The following MYRFL variants were observed in gnomAD, a reference collection of about 807,000 sequenced individuals.
MYRFL encodes myelin regulatory factor-like protein.
Under a neutral mutation model 109.4 loss-of-function variants are expected in MYRFL, and 88 were observed. The ratio of observed to expected loss-of-function variants is 0.80; its 90% confidence interval spans 0.68 to 0.96. The LOEUF (loss-of-function observed/expected upper bound fraction) is 0.96. Among genes scored for constraint, MYRFL ranks in the 40% least tolerant of loss-of-function variants. The pLI, the probability that MYRFL is intolerant of heterozygous loss-of-function variation, is 0.00. For synonymous variants in MYRFL, 324 were observed against 320.9 expected, an observed-to-expected ratio of 1.01 and a Z score of -0.10; for missense variants, 957 against 954.9, an observed-to-expected ratio of 1.00 and a Z score of -0.03.
At chr12:69,908,597 A>G (rs1008389679) in intron 11 of MYRFL, among the ~76,000 whole-genome samples, 1 of 152,180 alleles carries the variant, frequency 6.6e-6, no homozygotes, top group Non-Finnish European at 1.5e-5. Context: ...CGTGTCCCTG[A>G]GAATATTTTC....
intron 1 of MYRFL, among the ~76,000 whole-genome samples, chr12:69,837,628 A>T (rs967104879): frequency 6.6e-6 from 1 of 152,106 alleles, no homozygotes; most frequent in Non-Finnish European, 1.5e-5. Flanking sequence ...AGTTAAGCAA[A>T]AGTAGAATTT....
At chr12:69,898,847 C>A (rs141833428) in intron 10 of MYRFL, among the ~76,000 whole-genome samples, 226 of 152,308 alleles carry the variant, frequency 1.5e-3, no homozygotes, top group African/African-American at 4.8e-3. Context: ...CAAGTCCACA[C>A]AACAGCAACA....
intron 22 of MYRFL, among the ~76,000 whole-genome samples, chr12:69,955,812 T>C (rs928490568): frequency 2.0e-5 from 3 of 149,842 alleles, no homozygotes; most frequent in Non-Finnish European, 4.4e-5. Context: ...GTAGCAATGT[T>C]AATGCAGACA....
intron 2 of MYRFL, among the ~76,000 whole-genome samples, chr12:69,876,736 C>G (rs117231997): frequency 0.034 from 5,200 of 152,230 alleles, 111 homozygotes; most frequent in Non-Finnish European, 0.05. Flanking sequence ...TTCTTGGGAA[C>G]ATTATTCCAA....
intron 21 of MYRFL, 99 bp from the exon 22 acceptor site, chr12:69,955,264 T>C (rs1292972803): frequency 4.5e-6 from 2 of 446,026 alleles, no homozygotes; most frequent in African/African-American, 2.0e-5. Context: ...TACTATATAA[T>C]ATTTCACAGT....
chr12:69,846,627 T>C (rs1883566166), intron 1 of MYRFL, among the ~76,000 whole-genome samples: 2 of 152,286 alleles, frequency 1.3e-5, no homozygotes, highest in South Asian at 2.1e-4. Context: ...TTCCAAGTCT[T>C]TGCTATTGCG....
At chr12:69,848,859 C>T (rs939847094) in intron 1 of MYRFL, among the ~76,000 whole-genome samples, 1 of 152,028 alleles carries the variant, frequency 6.6e-6, no homozygotes, top group Non-Finnish European at 1.5e-5. Flanking sequence ...GACACTGGCT[C>T]TTATTTGTTT....
In MYRFL at chr12:69,927,767, A is replaced by C; in HGVS notation, c.1830+19A>C. On this transcript the variant is annotated intron_variant, in intron 15 of 24. Coordinates refer to ENST00000552032, the MANE Select transcript of MYRFL (RefSeq NM_182530.3). ...CAACAAGGTAAATAGACACATTTAC[A>C]ATGAAAGGAAATGATGTTTTCTACT... The C allele has an allele frequency of 2.0e-6, 3 of 1,504,450 alleles. No individual in the cohort carries two copies. Among genetic ancestry groups the C allele is most frequent in the Non-Finnish European group, 2.7e-6 (3 of 1,130,180 alleles). 93.2% of individuals were successfully genotyped at this position (1,504,450 alleles called of 1,614,324 possible).
At chr12:69,859,101 C>A in intron 2 of MYRFL, among the ~76,000 whole-genome samples, 1 of 151,770 alleles carries the variant, frequency 6.6e-6, no homozygotes, top group East Asian at 1.9e-4. Flanking sequence ...ATTTGACTTT[C>A]TTTGACTCAT....
At chr12:69,880,381 C>T (rs910109029) in intron 5 of MYRFL, 89 bp downstream of exon 5, 2 of 624,038 alleles carry the variant, frequency 3.2e-6, no homozygotes, top group Non-Finnish European at 5.7e-6. Flanking sequence ...AGCAGCCCTG[C>T]AAAAGTTTCC....
chr12:69,950,790 G>C (rs1955953921), intron 19 of MYRFL, among the ~76,000 whole-genome samples: 1 of 152,130 alleles, frequency 6.6e-6, no homozygotes, highest in South Asian at 2.1e-4. Context: ...ACATTAGCGT[G>C]TGTGATTCTG....
intron 13 of MYRFL, among the ~76,000 whole-genome samples, chr12:69,920,301 A>T (rs753752294): frequency 6.6e-6 from 1 of 152,150 alleles, no homozygotes; most frequent in Non-Finnish European, 1.5e-5. Flanking sequence ...AATATGAAAA[A>T]GGAATTTGGA....
chr12:69,854,361 G>A (rs1366827234), intron 1 of MYRFL, among the ~76,000 whole-genome samples: 3 of 151,574 alleles, frequency 2.0e-5, no homozygotes, highest in East Asian at 3.9e-4. Context: ...GAGAGGGAGA[G>A]GGAGAGGGAG....
At chr12:69,909,289 A>G (rs747782914) in intron 11 of MYRFL, among the ~76,000 whole-genome samples, 37 of 152,212 alleles carry the variant, frequency 2.4e-4, no homozygotes, top group Non-Finnish European at 4.7e-4. Flanking sequence ...ATCCTAAACG[A>G]TGGTGGAGGG....
At chr12:69,898,977 G>C (rs374712760) in intron 10 of MYRFL, among the ~76,000 whole-genome samples, 2 of 152,276 alleles carry the variant, frequency 1.3e-5, no homozygotes, top group East Asian at 3.9e-4. Flanking sequence ...TTGAGAAGTC[G>C]AAAGTTCCAT....
Position 69,903,808 on chromosome 12 carries a change from T to A in MYRFL, c.1347T>A (p.His449Gln). The part of the protein sequence containing the change: ...GNMKVMGTIM[H>Q]PSDSRAKQNI... ...TGAAAGTGATGGGGACCATCATGCA[T>A]CCCTCTGACAGCCGGGCAAAGCAGA... Residue 449 changes from histidine to glutamine, a missense_variant, in exon 11 of 25, where the codon CAT becomes CAA. Transcript: ENST00000552032. 6.5e-7 allele frequency: 1 copy of A among 1,535,022 alleles called. No homozygotes were observed. The highest frequency in any genetic ancestry group is 8.7e-7 in the Non-Finnish European group (1 of 1,146,198).
rs1303005257 is a variant in MYRFL, at chr12:69,910,012, T to C, written c.1427T>C (p.Ile476Thr). The change falls in exon 12 of 25, where the codon ATT (isoleucine) becomes ACT (threonine). Residue 476 changes from isoleucine (I) to threonine (T), a missense_variant. Ile to Thr is a moderately conservative substitution (Grantham distance 89, BLOSUM62 -1). Transcript: ENST00000552032. ...EQLKRIAQMR[I>T]VEYDYKPEFA... The stretch of plus-strand genomic sequence containing the variant: ...CTGAAAAGAATAGCCCAAATGAGAA[T>C]TGTTGAATATGACTACAAACCTGAA... The C allele has an allele frequency of 1.3e-6, 2 of 1,534,912 alleles. No homozygotes were observed. The highest frequency in any genetic ancestry group is 2.4e-5 in the South Asian group (2 of 83,796).
intron 1 of MYRFL, among the ~76,000 whole-genome samples, chr12:69,851,418 T>C (rs1158109451): frequency 6.6e-6 from 1 of 152,214 alleles, no homozygotes; most frequent in African/African-American, 2.4e-5. Flanking sequence ...TTGTTTTTCA[T>C]TTTTTGTATT....
At chr12:69,841,170 A>G (rs1695026349) in intron 1 of MYRFL, among the ~76,000 whole-genome samples, 1 of 152,170 alleles carries the variant, frequency 6.6e-6, no homozygotes, top group African/African-American at 2.4e-5. Flanking sequence ...CCTGCTGCTC[A>G]CTTCTATCTC....
Sources: allele counts gnomAD v4.1 joint callset (sites outside exome capture counted in the v4.1 genomes callset), GRCh38; gene constraint gnomAD v4.1.1; transcripts MANE v1.5; gene names NCBI Gene and HGNC (gene_info 2026-07-23, HGNC 2026-07-21).